The following FAT3 variants were observed in gnomAD, a reference collection of about 807,000 sequenced individuals.
FAT3 encodes the protein protocadherin Fat 3.
In FAT3, 95 loss-of-function variants were observed where a neutral mutation model predicts 310.2. That is an observed-to-expected ratio of 0.31 (90% CI 0.26 to 0.36). FAT3 has a LOEUF of 0.36. FAT3 is among the 10% of genes least tolerant of loss of function. FAT3 has a pLI of 1.00. For synonymous variants in FAT3, 2,314 were observed against 2,192.9 expected, an observed-to-expected ratio of 1.06 and a Z score of -1.54; for missense variants, 5,408 against 5,715.6, an observed-to-expected ratio of 0.95 and a Z score of 1.74.
chr11:92,542,218 C>G (rs1381436950), intron 3 of FAT3, among the ~76,000 whole-genome samples: 125 of 151,776 alleles, frequency 8.2e-4, no homozygotes, highest in Non-Finnish European at 5.9e-5. Context: ...AATGTAAGAC[C>G]CAAAATGATA....
At chr11:92,646,155 G>A (rs1942159466) in intron 3 of FAT3, among the ~76,000 whole-genome samples, 1 of 152,168 alleles carries the variant, frequency 6.6e-6, no homozygotes, top group African/African-American at 2.4e-5. Context: ...CATTGATGGA[G>A]GTCACTTGGT....
At chr11:92,866,634 A>G in intron 21 of FAT3, 107 bp from the exon 22 acceptor site, 2 of 971,482 alleles carry the variant, frequency 2.1e-6, no homozygotes, top group Non-Finnish European at 3.0e-6. Flanking sequence ...AGTCATGTCC[A>G]CATTCCAGCT....
At chr11:92,847,342 C>A (rs559049931) in intron 19 of FAT3, among the ~76,000 whole-genome samples, 1 of 152,228 alleles carries the variant, frequency 6.6e-6, no homozygotes, top group East Asian at 1.9e-4. Context: ...AGCCTGTAGC[C>A]TAGGAGCCAT....
intron 13 of FAT3, among the ~76,000 whole-genome samples, chr11:92,819,764 G>A (rs1947912169): frequency 6.6e-6 from 1 of 152,074 alleles, no homozygotes; most frequent in South Asian, 2.1e-4. Flanking sequence ...GTAGAGGCAG[G>A]TACAACAACC....
At chr11:92,528,078 T>G (rs1173356407) in intron 3 of FAT3, among the ~76,000 whole-genome samples, 1 of 152,212 alleles carries the variant, frequency 6.6e-6, no homozygotes, top group Non-Finnish European at 1.5e-5. Flanking sequence ...ATACAGCTTG[T>G]AGCAGATAAC....
chr11:92,374,498 C>CAG (rs1176938168), intron 2 of FAT3, among the ~76,000 whole-genome samples: 1 of 152,166 alleles, frequency 6.6e-6, no homozygotes, highest in African/African-American at 2.4e-5. Context: ...TTTTAACTTG[C>CAG]AGGAAGGCAA....
At chr11:92,738,141 G>A (rs907530537) in intron 4 of FAT3, among the ~76,000 whole-genome samples, 10 of 152,080 alleles carry the variant, frequency 6.6e-5, no homozygotes, top group African/African-American at 2.4e-4. Flanking sequence ...AATCCTCTAG[G>A]AAGCCCTCTG....
chr11:92,368,977 A>G (rs1325746478), intron 2 of FAT3, among the ~76,000 whole-genome samples: 6 of 151,756 alleles, frequency 4.0e-5, no homozygotes, highest in Non-Finnish European at 8.8e-5. Context: ...GTGTATGTGT[A>G]TATATATGTA....
At chr11:92,524,448 T>C (rs1164051594) in intron 2 of FAT3, among the ~76,000 whole-genome samples, 186 bp from the exon 3 acceptor site, 1 of 152,216 alleles carries the variant, frequency 6.6e-6, no homozygotes, top group African/African-American at 2.4e-5. Context: ...AGAAGAACTA[T>C]TTAATCTGGT....
chr11:92,863,636 A>G (rs1446301675), intron 21 of FAT3, among the ~76,000 whole-genome samples: 2 of 152,206 alleles, frequency 1.3e-5, no homozygotes, highest in East Asian at 3.8e-4. Context: ...GACATTTCTT[A>G]CAGTTTCATG....
intron 1 of FAT3, among the ~76,000 whole-genome samples, chr11:92,264,292 A>G (rs1180756461): frequency 6.6e-6 from 1 of 152,194 alleles, no homozygotes; most frequent in Non-Finnish European, 1.5e-5. Context: ...TAAGACTCCA[A>G]TTCTAAGGCT....
At chr11:92,410,277 T>C (rs1305777570) in intron 2 of FAT3, among the ~76,000 whole-genome samples, 2 of 151,960 alleles carry the variant, frequency 1.3e-5, no homozygotes, top group East Asian at 1.9e-4. Context: ...TTCACTTGAA[T>C]TTTTTTATAG....
chr11:92,836,583 A>G lies in FAT3; in HGVS notation c.10104A>G (p.Val3368=). The G allele has an allele frequency of 6.2e-7, 1 of 1,613,616 alleles. No individual in the cohort carries two copies. The highest frequency in any genetic ancestry group is 8.5e-7 in the Non-Finnish European group (1 of 1,179,768). Residue 3368 remains valine, a synonymous_variant, in exon 16 of 28, where the codon GTA becomes GTG. Transcript: ENST00000525166. ...CCATGAAGCTAATAGCAGAAGATGT[A>G]GACAGCCAGCCCAACGGACAGATTC... is the stretch of plus-strand genomic sequence containing the variant. The part of the protein sequence containing the change: ...DSVILLIAED[V]DSQPNGQIHF...
chr11:92,424,346 T>G (rs1238114728), intron 2 of FAT3, among the ~76,000 whole-genome samples: 1 of 152,300 alleles, frequency 6.6e-6, no homozygotes, highest in East Asian at 1.9e-4. Context: ...TTTTACATAA[T>G]GTTTTTATGA....
intron 4 of FAT3, among the ~76,000 whole-genome samples, chr11:92,742,278 A>G (rs978347023): frequency 1.3e-5 from 2 of 152,212 alleles, no homozygotes; most frequent in Non-Finnish European, 2.9e-5. Flanking sequence ...TCATAAAGGG[A>G]CAAACAGTAC....
chr11:92,422,777 G>T (rs1950557771), intron 2 of FAT3, among the ~76,000 whole-genome samples: 1 of 152,110 alleles, frequency 6.6e-6, no homozygotes, highest in African/African-American at 2.4e-5. Context: ...TTTCAGCAAA[G>T]AGCTGCTGGG....
intron 2 of FAT3, among the ~76,000 whole-genome samples, chr11:92,488,168 C>A (rs908063020): frequency 6.6e-6 from 1 of 152,108 alleles, no homozygotes; most frequent in Non-Finnish European, 1.5e-5. Context: ...CTCCAGATGA[C>A]AGCCAGCAAG....
chr11:92,282,458 C>T (rs549299300), intron 1 of FAT3, among the ~76,000 whole-genome samples: 1 of 152,008 alleles, frequency 6.6e-6, no homozygotes, highest in South Asian at 2.1e-4. Context: ...TGAGGTCAGG[C>T]GTTCGAGACC....
chr11:92,814,449 T>A (rs931764114), intron 13 of FAT3, among the ~76,000 whole-genome samples: 1 of 152,218 alleles, frequency 6.6e-6, no homozygotes, highest in East Asian at 1.9e-4. Flanking sequence ...GAGGACAAGA[T>A]AATTTTACAC....
Sources: gnomAD v4.1 joint callset for allele counts (sites outside exome capture counted in the v4.1 genomes callset) on GRCh38, gnomAD v4.1.1 for gene constraint, MANE v1.5 for transcripts, NCBI Gene and HGNC (gene_info 2026-07-23, HGNC 2026-07-21) for gene names.